The following F2R variants were observed in gnomAD, a reference collection of about 807,000 sequenced individuals.
The protein encoded by F2R is coagulation factor II thrombin receptor, also known as proteinase-activated receptor 1.
Under a neutral mutation model 18.3 loss-of-function variants are expected in F2R, and 12 were observed. The observed-to-expected ratio is 0.66, with a 90% CI of 0.42 to 1.06. The LOEUF (loss-of-function observed/expected upper bound fraction) is 1.06. F2R is among the 50% of genes least tolerant of loss of function. The pLI, the probability that F2R is intolerant of heterozygous loss-of-function variation, is 0.00. For synonymous variants in F2R, 210 were observed against 219.9 expected (o/e 0.95, Z 0.40); for missense variants, 438 against 530.8 (o/e 0.83, Z 1.72).
chr5:76,725,837 T>A (rs574959751), intron 1 of F2R, among the ~76,000 whole-genome samples: 2 of 152,346 alleles, frequency 1.3e-5, no homozygotes, highest in Admixed American at 6.5e-5. Context: ...CCAGAGAAGA[T>A]GTTTTTTAAA....
At position 76,734,347 on chromosome 5, in the gene F2R, GCCAGAAAC is replaced by G. The variant is rs1024482397; in HGVS notation, c.*846_*853del. ...CCAGGGCCATGTCAGACACAGATTG[GCCAGAAAC>G]CTTCCTGCTGAGCCTCACAGCAGTG... On this transcript the variant is annotated 3_prime_UTR_variant, in exon 2 of 2. Coordinates refer to ENST00000319211, the MANE Select transcript of F2R (RefSeq NM_001992.5). The G allele has an allele frequency of 2.0e-5, 3 of 152,360 alleles. No homozygotes were observed. Among genetic ancestry groups the G allele is most frequent in the African/African-American group, 7.2e-5 (3 of 41,440 alleles). The allele number at this position is 152,360 out of a possible 1,614,324, so 9.4% of individuals were successfully genotyped here. A position where few individuals can be genotyped will look rare whatever the true frequency, so the allele number is the denominator to read the frequency against.
intron 1 of F2R, among the ~76,000 whole-genome samples, chr5:76,724,781 T>C (rs951995903): frequency 1.3e-5 from 2 of 152,226 alleles, no homozygotes; most frequent in African/African-American, 4.8e-5. Flanking sequence ...CTAACCCTGA[T>C]ATTCTTTGAA....
chr5:76,723,754 A>T (rs1244036570), intron 1 of F2R, among the ~76,000 whole-genome samples: 1 of 152,192 alleles, frequency 6.6e-6, no homozygotes, highest in Non-Finnish European at 1.5e-5. Flanking sequence ...GCAAATAAAC[A>T]TGCATACAGT....
chr5:76,722,115 C>T (rs1383869877), intron 1 of F2R, among the ~76,000 whole-genome samples: 2 of 152,210 alleles, frequency 1.3e-5, no homozygotes, highest in African/African-American at 4.8e-5. Flanking sequence ...GATATACAGA[C>T]TGCAGAAGGA....
rs137882626 is a variant in F2R, at chr5:76,729,554, T to C, written c.89-2760T>C. On this transcript the variant is annotated intron_variant, in intron 1 of 1. Coordinates refer to ENST00000319211, the MANE Select transcript of F2R (RefSeq NM_001992.5). ...TCTCCTTTTATTGCCTGTGCTTTTA[T>C]GGTCATTATAAAAAATTACTGCCCA... Among the ~76,000 whole-genome samples, 341 of 152,368 alleles carry C rather than the reference T, an allele frequency of 2.2e-3. 1 individual carries two copies. Among genetic ancestry groups the C allele is most frequent in the South Asian group, 4.4e-3 (21 of 4,826 alleles).
intron 1 of F2R, among the ~76,000 whole-genome samples, chr5:76,725,040 A>G (rs1748531168): frequency 6.6e-6 from 1 of 152,210 alleles, no homozygotes. Flanking sequence ...GAATGTGAGC[A>G]AAGTCCTGGG....
At chr5:76,731,506 T>C (rs1580894578) in intron 1 of F2R, among the ~76,000 whole-genome samples, 1 of 148,526 alleles carries the variant, frequency 6.7e-6, no homozygotes, top group Non-Finnish European at 1.5e-5. Flanking sequence ...AAATCCCCTC[T>C]ACTTTTTTTT....
rs945393625 is a variant in F2R, at chr5:76,716,378, C to A, written c.71C>A (p.Thr24Asn). 11 of 1,453,954 alleles carry A rather than the reference C, an allele frequency of 7.6e-6. No individual in the cohort carries two copies. The African/African-American group carries it at 1.3e-4, about 17-fold the overall frequency. The allele number at this position is 1,453,954 out of a possible 1,614,324, so 90.1% of individuals were successfully genotyped here. The change falls in exon 1 of 2, where the codon ACC (threonine) becomes AAC (asparagine). Residue 24 changes from threonine to asparagine, a missense_variant. By Grantham distance (65) the Thr-to-Asn change is moderately conservative (BLOSUM62 0). Transcript: ENST00000319211. ...SLCGPLLSARTRARRPESKAT... is the reference protein window; with the variant it reads ...SLCGPLLSARNRARRPESKAT... ...TGCGGCCCGCTGTTGTCTGCCCGCA[C>A]CCGGGCCCGCAGGCCAGGTGAGAGA...
intron 1 of F2R, among the ~76,000 whole-genome samples, chr5:76,731,633 G>A (rs1255297877): frequency 3.3e-5 from 5 of 151,874 alleles, no homozygotes; most frequent in East Asian, 2.0e-4. Flanking sequence ...AGGTTCAAGC[G>A]ATTCTTCTGC....
At chr5:76,730,333 C>G (rs142908118) in intron 1 of F2R, among the ~76,000 whole-genome samples, 1 of 152,300 alleles carries the variant, frequency 6.6e-6, no homozygotes, top group South Asian at 2.1e-4. Flanking sequence ...TTCCAGGATT[C>G]TCTCCTAACT....
At chr5:76,729,036 T>A (rs989830887) in intron 1 of F2R, among the ~76,000 whole-genome samples, 2 of 152,200 alleles carry the variant, frequency 1.3e-5, no homozygotes, top group African/African-American at 4.8e-5. Flanking sequence ...AGCAGTGGAA[T>A]TGCTGTATTA....
At chr5:76,724,453 T>A (rs1748520850) in intron 1 of F2R, among the ~76,000 whole-genome samples, 1 of 152,230 alleles carries the variant, frequency 6.6e-6, no homozygotes, top group Admixed American at 6.5e-5. Flanking sequence ...AACAGTTGGT[T>A]TGTTTGAATC....
chr5:76,733,461 T>C lies in F2R; in HGVS notation c.1236T>C (p.Ser412=), dbSNP rs1748721782. ...TGGCAAGTAAAATGGATACCTGCTC[T>C]AGTAACCTGAATAACAGCATATACA... ...QLMASKMDTC[S]SNLNNSIYKK... The change falls in exon 2 of 2, where the codon TCT becomes TCC. Residue 412 remains serine (S), a synonymous_variant. Coordinates refer to ENST00000319211, the MANE Select transcript of F2R (RefSeq NM_001992.5). The C allele has an allele frequency of 6.2e-7, 1 of 1,613,912 alleles. No homozygotes were observed.
chr5:76,716,591 C>A (rs1410487146), intron 1 of F2R, 196 bp downstream of exon 1: 1 of 695,058 alleles, frequency 1.4e-6, no homozygotes, highest in Non-Finnish European at 2.6e-6. Flanking sequence ...CCAGCCGATG[C>A]CCCTTTGGAC....
rs754145524 is a variant in F2R, at chr5:76,732,347, G to C, written c.122G>C (p.Arg41Pro). Reference protein sequence around the residue: ...SKATNATLDPRSFLLRNPNDK... With the variant: ...SKATNATLDPPSFLLRNPNDK... ...GCAACAAATGCCACCTTAGATCCCCGGTCATTTCTTCTCAGGAACCCCAAT... is the reference window on the plus strand; with the variant it reads ...GCAACAAATGCCACCTTAGATCCCCCGTCATTTCTTCTCAGGAACCCCAAT... Residue 41 changes from arginine to proline, a missense_variant, in exon 2 of 2, where the codon CGG (arginine) becomes CCG (proline). Coordinates refer to ENST00000319211, the MANE Select transcript of F2R (RefSeq NM_001992.5). 7.5e-6 allele frequency: 12 copies of C among 1,609,798 alleles called. No individual in the cohort carries two copies. Among genetic ancestry groups the C allele is most frequent in the Non-Finnish European group, 9.3e-6 (11 of 1,178,840 alleles).
intron 1 of F2R, among the ~76,000 whole-genome samples, chr5:76,719,061 C>T (rs1748395887): frequency 6.6e-6 from 1 of 152,198 alleles, no homozygotes; most frequent in African/African-American, 2.4e-5. Flanking sequence ...TGGCTTCTGT[C>T]CGCATGCCAC....
rs1748729814 is a variant in F2R, at chr5:76,733,756, A to T, written c.*253A>T. 2.0e-6 allele frequency: 1 copy of T among 491,464 alleles called. No individual in the cohort carries two copies. Among genetic ancestry groups the T allele is most frequent in the Non-Finnish European group, 3.6e-6 (1 of 274,774 alleles). 30.4% of individuals were successfully genotyped at this position (491,464 alleles called of 1,614,324 possible). ...AGTAATAAATGAATGTCACTTCTGG[A>T]TATAGCTAGGTGACATATACATACT... On this transcript the variant is annotated 3_prime_UTR_variant, in exon 2 of 2. Coordinates refer to ENST00000319211, the MANE Select transcript of F2R (RefSeq NM_001992.5).
intron 1 of F2R, among the ~76,000 whole-genome samples, chr5:76,723,449 C>A (rs1410407770): frequency 2.0e-5 from 3 of 152,208 alleles, no homozygotes; most frequent in Non-Finnish European, 2.9e-5. Context: ...CTTAGCCTCT[C>A]TGTGCCTCCA....
rs1247897557 is a variant in F2R, at chr5:76,732,449, A to G, written c.224A>G (p.Asn75Ser). The change falls in exon 2 of 2, where the codon AAT (asparagine) becomes AGT (serine). Residue 75 changes from asparagine to serine, a missense_variant. By Grantham distance (46) the Asn-to-Ser change is conservative. Transcript: ENST00000319211. ...GLTEYRLVSI[N>S]KSSPLQKQLP... ...ACTGAATACAGATTAGTCTCCATCAATAAAAGCAGTCCTCTTCAAAAACAA... is the reference window on the plus strand; with the variant it reads ...ACTGAATACAGATTAGTCTCCATCAGTAAAAGCAGTCCTCTTCAAAAACAA... The G allele has an allele frequency of 6.2e-7, 1 of 1,614,220 alleles. No homozygotes were observed. Among genetic ancestry groups the G allele is most frequent in the Admixed American group, 1.7e-5 (1 of 60,022 alleles).
Sources: gnomAD v4.1 joint callset for allele counts (sites outside exome capture counted in the v4.1 genomes callset) on GRCh38, gnomAD v4.1.1 for gene constraint, MANE v1.5 for transcripts, NCBI Gene and HGNC (gene_info 2026-07-23, HGNC 2026-07-21) for gene names.